GABRG3: variants seen among roughly 807,000 people sequenced by gnomAD.
GABRG3 encodes gamma-aminobutyric acid type A receptor subunit gamma3.
GABRG3 carries 25 observed loss-of-function variants against 48.8 expected under a neutral mutation model. That is an observed-to-expected ratio of 0.51 (90% CI 0.37 to 0.72). The LOEUF (loss-of-function observed/expected upper bound fraction) is 0.72, where lower values mean the gene tolerates loss of function less well. Among genes scored for constraint, GABRG3 ranks in the 30% least tolerant of loss-of-function variants. The probability of loss-of-function intolerance (pLI) is 0.00; values close to 1 mark genes in which losing one functional copy is unlikely to be tolerated. For synonymous variants in GABRG3, 227 were observed against 217.6 expected, an observed-to-expected ratio of 1.04 and a Z score of -0.38; for missense variants, 394 against 577.9, an observed-to-expected ratio of 0.68 and a Z score of 3.26.
intron 3 of GABRG3, among the ~76,000 whole-genome samples, chr15:27,300,182 T>A (rs923985550): frequency 6.6e-6 from 1 of 152,156 alleles, no homozygotes; most frequent in African/African-American, 2.4e-5. Flanking sequence ...ATCAACATTT[T>A]CTACAGAATT....
intron 2 of GABRG3, among the ~76,000 whole-genome samples, chr15:26,979,399 A>G (rs921797838): frequency 7.2e-5 from 11 of 152,162 alleles, no homozygotes; most frequent in Non-Finnish European, 1.5e-4. Context: ...AGTGGTGTGA[A>G]TGGACATCTC....
intron 3 of GABRG3, among the ~76,000 whole-genome samples, chr15:27,291,073 A>G (rs1466527459): frequency 6.6e-6 from 1 of 152,200 alleles, no homozygotes; most frequent in Non-Finnish European, 1.5e-5. Context: ...ATAACAACGG[A>G]AGTGCTCATA....
At chr15:27,192,260 GA>G (rs1888339553) in intron 3 of GABRG3, among the ~76,000 whole-genome samples, 1 of 152,060 alleles carries the variant, frequency 6.6e-6, no homozygotes, top group Non-Finnish European at 1.5e-5. Context: ...TCCTGAATCT[GA>G]ACGTTGGCCT....
chr15:27,504,761 G>GC (rs2150855896), intron 6 of GABRG3, among the ~76,000 whole-genome samples: 2 of 151,992 alleles, frequency 1.3e-5, no homozygotes, highest in African/African-American at 4.8e-5. Context: ...GTGTGGGTTT[G>GC]CTAGTGATCA....
chr15:26,971,622 C>A, intron 1 of GABRG3, 34 bp downstream of exon 1: 2 of 1,518,434 alleles, frequency 1.3e-6, no homozygotes, highest in South Asian at 1.2e-5. Context: ...CCCGGAGGCC[C>A]CGAGCTGGGC....
Position 27,229,919 on chromosome 15 carries a change from T to C in GABRG3, c.271-96890T>C, listed in dbSNP as rs191119279. Among the ~76,000 whole-genome samples, 96 of 152,306 alleles carry C rather than the reference T, an allele frequency of 6.3e-4. 2 individuals are homozygous for C. In the East Asian group the frequency reaches 0.013, roughly 20 times the overall value. On this transcript the variant is annotated intron_variant, in intron 3 of 9. Coordinates refer to ENST00000615808, the MANE Select transcript of GABRG3 (RefSeq NM_033223.5). ...TTCCATATACATTTTAAAATATTTT[T>C]TTCTAGTTCTGTGAAGAATGTTGTT...
chr15:27,036,637 C>T (rs745339598), intron 3 of GABRG3, among the ~76,000 whole-genome samples: 1 of 152,126 alleles, frequency 6.6e-6, no homozygotes, highest in Non-Finnish European at 1.5e-5. Flanking sequence ...TTGCAGTGAG[C>T]TGAGATTGCA....
chr15:27,447,749 G>A lies in GABRG3; in HGVS notation c.575-32901G>A, dbSNP rs1037841116. ...CATCATTCTCAGCAGACTAATACAAGAATAGAAAAACAAACACTGCATGTT... is the reference window on the plus strand; with the variant it reads ...CATCATTCTCAGCAGACTAATACAAAAATAGAAAAACAAACACTGCATGTT... On this transcript the variant is annotated intron_variant, in intron 5 of 9. Coordinates refer to ENST00000615808, the MANE Select transcript of GABRG3 (RefSeq NM_033223.5). The surrounding 1 kb of genome is among the most constrained non-coding windows in gnomAD (Gnocchi z 4.0). Among the ~76,000 whole-genome samples, 2 of 152,152 alleles carry A rather than the reference G, an allele frequency of 1.3e-5. No homozygotes were observed. Among genetic ancestry groups the A allele is most frequent in the African/African-American group, 4.8e-5 (2 of 41,436 alleles).
At chr15:27,293,241 A>G (rs1358002716) in intron 3 of GABRG3, among the ~76,000 whole-genome samples, 2 of 152,222 alleles carry the variant, frequency 1.3e-5, no homozygotes, top group African/African-American at 4.8e-5. Flanking sequence ...TGATATAAAT[A>G]GAATTAGATT....
intron 2 of GABRG3, among the ~76,000 whole-genome samples, chr15:27,010,464 A>G (rs566046716): frequency 3.3e-5 from 5 of 152,214 alleles, no homozygotes; most frequent in Admixed American, 6.5e-5. Context: ...TGGTCAAAAC[A>G]ATAGCCCCAG....
At position 26,974,997 on chromosome 15, in the gene GABRG3, C is replaced by T. The variant is rs1056781798; in HGVS notation, c.54-2005C>T. ...CAAGCAATTCTCTTGCCTCAGCCTC[C>T]TGAATAGCCAGGACTACAGGCATGT... On this transcript the variant is annotated intron_variant, in intron 1 of 9. Transcript: ENST00000615808. This position sits in a 1 kb window ranked among gnomAD's most constrained non-coding sequence, Gnocchi z 4.3. 1.3e-5 allele frequency among the ~76,000 whole-genome samples: 2 copies of T among 151,644 alleles called. No individual in the cohort carries two copies. Among genetic ancestry groups the T allele is most frequent in the Non-Finnish European group, 2.9e-5 (2 of 67,934 alleles).
At chr15:27,014,865 T>C (rs1390452678) in intron 2 of GABRG3, among the ~76,000 whole-genome samples, 1 of 152,210 alleles carries the variant, frequency 6.6e-6, no homozygotes. Context: ...AAGTGAGATA[T>C]TGAAGTCTCC....
intron 3 of GABRG3, among the ~76,000 whole-genome samples, chr15:27,233,887 T>C (rs1229542024): frequency 1.3e-5 from 2 of 152,240 alleles, no homozygotes; most frequent in Non-Finnish European, 2.9e-5. Flanking sequence ...ATGTGAATTA[T>C]GTATTCTATA....
chr15:27,496,068 C>A (rs964693089), intron 6 of GABRG3, among the ~76,000 whole-genome samples: 1 of 152,146 alleles, frequency 6.6e-6, no homozygotes, highest in African/African-American at 2.4e-5. Flanking sequence ...GCTCCTTGGT[C>A]TTTCTGGGCA....
chr15:27,325,556 T>C (rs956525581), intron 3 of GABRG3, among the ~76,000 whole-genome samples: 1 of 152,214 alleles, frequency 6.6e-6, no homozygotes, highest in African/African-American at 2.4e-5. Context: ...TTCCTCTAAT[T>C]TGAATCCTTA....
chr15:27,429,281 A>G (rs1268906819), intron 5 of GABRG3, among the ~76,000 whole-genome samples: 1 of 152,232 alleles, frequency 6.6e-6, no homozygotes, highest in Non-Finnish European at 1.5e-5. Context: ...TCCGTGTCCT[A>G]CATGAAGACA....
At chr15:27,466,474 C>A (rs957650427) in intron 5 of GABRG3, among the ~76,000 whole-genome samples, 1 of 151,222 alleles carries the variant, frequency 6.6e-6, no homozygotes, top group Non-Finnish European at 1.5e-5. Flanking sequence ...GAACTTATTT[C>A]TTATTGCACA....
At chr15:27,532,328 C>G (rs1253847850) in intron 9 of GABRG3, among the ~76,000 whole-genome samples, 1 of 151,244 alleles carries the variant, frequency 6.6e-6, no homozygotes, top group Non-Finnish European at 1.5e-5. Context: ...TTTGGAGTCC[C>G]CCTCCCTCTG....
intron 2 of GABRG3, among the ~76,000 whole-genome samples, chr15:27,003,662 T>C (rs1302015633): frequency 2.0e-5 from 3 of 152,200 alleles, no homozygotes; most frequent in African/African-American, 2.4e-5. Flanking sequence ...TTCTCAATCT[T>C]TTCCCCACCT....
Sources: gnomAD v4.1 joint callset for allele counts (sites outside exome capture counted in the v4.1 genomes callset) on GRCh38, gnomAD v4.1.1 for gene constraint, Gnocchi (gnomAD v3.1) non-coding constraint, MANE v1.5 for transcripts, NCBI Gene and HGNC (gene_info 2026-07-23, HGNC 2026-07-21) for gene names.